The following NRARP variants were observed in gnomAD, a reference collection of about 807,000 sequenced individuals.
The protein encoded by NRARP is NOTCH regulated ankyrin repeat protein.
For missense variants in NRARP, 83 were observed against 161.1 expected, an observed-to-expected ratio of 0.52 and a Z score of 2.62; for synonymous variants, 81 against 77.4, an observed-to-expected ratio of 1.05 and a Z score of -0.25.
In NRARP at chr9:137,301,713, C is replaced by T. The variant is rs1237596513; in HGVS notation, c.216G>A (p.Lys72=). The T allele has an allele frequency of 8.7e-6, 14 of 1,611,420 alleles. No homozygotes were observed. Among genetic ancestry groups the T allele is most frequent in the Middle Eastern group, 1.6e-4 (1 of 6,082 alleles). The part of the protein sequence containing the change: ...GNLELVKLLV[K]FGADIRLANR... ...TGGCCAGGCGGATGTCGGCGCCGAA[C>T]TTGACCAGCAGCTTCACGAGCTCCA... Residue 72 remains lysine, a synonymous_variant, in exon 1 of 1, where the codon AAG becomes AAA. Transcript: ENST00000356628. The surrounding 1 kb of genome is among the most constrained non-coding windows in gnomAD (Gnocchi z 9.1).
In NRARP at chr9:137,299,934, C is replaced by T. The variant is rs1830931059; in HGVS notation, c.*1650G>A. Reference sequence around the variant, plus strand: ...TCACTGACATTATCAATATATTCTTCTCACACAAAGTTTTATAAAAAGCGA... The same window carrying T: ...TCACTGACATTATCAATATATTCTTTTCACACAAAGTTTTATAAAAAGCGA... On this transcript the variant is annotated 3_prime_UTR_variant, in exon 1 of 1. Transcript: ENST00000356628. 6.6e-6 allele frequency among the ~76,000 whole-genome samples: 1 copy of T among 152,176 alleles called. No individual in the cohort carries two copies. The highest frequency in any genetic ancestry group is 2.1e-4 in the South Asian group (1 of 4,836).
rs555899039 is a variant in NRARP, at chr9:137,301,372, T to C, written c.*212A>G. On this transcript the variant is annotated 3_prime_UTR_variant, in exon 1 of 1. Transcript: ENST00000356628. This position sits in a 1 kb window ranked among gnomAD's most constrained non-coding sequence, Gnocchi z 9.1. ...CGAGCGGGTGGGGGCCGTGGGAAGC[T>C]GCTCCGGCCCGGCCGGGCCCGGCTA... 4.5e-4 allele frequency: 101 copies of C among 224,980 alleles called. No individual in the cohort carries two copies. The East Asian group carries it at 9.0e-3, about 20-fold the overall frequency. 13.9% of individuals were successfully genotyped at this position (224,980 alleles called of 1,614,324 possible).
Position 137,301,972 on chromosome 9 carries a change from C to T in NRARP, c.-44G>A. ...CCGCGGGCCGGGCCGGGGCTCAGCG[C>T]GGGCGGCGGCTGCGGCGCGGGCCCC... is the stretch of plus-strand genomic sequence containing the variant. On this transcript the variant is annotated 5_prime_UTR_variant, in exon 1 of 1. Coordinates refer to ENST00000356628, the MANE Select transcript of NRARP (RefSeq NM_001004354.3). The surrounding 1 kb of genome is among the most constrained non-coding windows in gnomAD (Gnocchi z 9.1). 1 of 946,060 alleles carries T rather than the reference C, an allele frequency of 1.1e-6. No individual in the cohort carries two copies. Among genetic ancestry groups the T allele is most frequent in the Non-Finnish European group, 1.3e-6 (1 of 785,440 alleles). 58.6% of individuals were successfully genotyped at this position (946,060 alleles called of 1,614,324 possible). A position where few individuals can be genotyped will look rare whatever the true frequency, so the allele number is the denominator to read the frequency against.
In NRARP at chr9:137,301,958, G is replaced by C. The variant is rs1437534754; in HGVS notation, c.-30C>G. ...CCGCCGGGCGCGGGCCGCGGGCCGG[G>C]CCGGGGCTCAGCGCGGGCGGCGGCT... is the stretch of plus-strand genomic sequence containing the variant. On this transcript the variant is annotated 5_prime_UTR_variant, in exon 1 of 1. Transcript: ENST00000356628. This position sits in a 1 kb window ranked among gnomAD's most constrained non-coding sequence, Gnocchi z 9.1. The C allele has an allele frequency of 8.8e-6, 10 of 1,136,642 alleles. No individual in the cohort carries two copies. The highest frequency in any genetic ancestry group is 1.1e-5 in the Non-Finnish European group (10 of 918,984). 70.4% of individuals were successfully genotyped at this position (1,136,642 alleles called of 1,614,324 possible).
rs1480143690 is a variant in NRARP at position 137,300,587 on chromosome 9, A to G, written c.*997T>C. ...GCAACCGTTAACTATGATAGAACGC[A>G]CTAGAAAAGGTAACGAACCTTCACC... On this transcript the variant is annotated 3_prime_UTR_variant, in exon 1 of 1. Transcript: ENST00000356628. 6.6e-6 allele frequency: 1 copy of G among 152,364 alleles called. No individual in the cohort carries two copies. Among genetic ancestry groups the G allele is most frequent in the Non-Finnish European group, 1.5e-5 (1 of 68,042 alleles). The allele number at this position is 152,364 out of a possible 1,614,324, so 9.4% of individuals were successfully genotyped here. A position where few individuals can be genotyped will look rare whatever the true frequency, so the allele number is the denominator to read the frequency against.
In NRARP at chr9:137,299,840, A is replaced by G. The variant is rs985270766; in HGVS notation, c.*1744T>C. ...TTAACATAATTAAAAAGGTATTTGC[A>G]TCTAGAAAAAATATACAGAAGAACT... is the stretch of plus-strand genomic sequence containing the variant. On this transcript the variant is annotated 3_prime_UTR_variant, in exon 1 of 1. Transcript: ENST00000356628. Among the ~76,000 whole-genome samples, 1 of 152,206 alleles carries G rather than the reference A, an allele frequency of 6.6e-6. No homozygotes were observed. Among genetic ancestry groups the G allele is most frequent in the Non-Finnish European group, 1.5e-5 (1 of 68,040 alleles).
chr9:137,301,527 G>A lies in NRARP; in HGVS notation c.*57C>T. The A allele has an allele frequency of 8.2e-7, 1 of 1,214,614 alleles. No individual in the cohort carries two copies. Among genetic ancestry groups the A allele is most frequent in the Non-Finnish European group, 1.1e-6 (1 of 893,706 alleles). 75.2% of individuals were successfully genotyped at this position (1,214,614 alleles called of 1,614,324 possible). ...GGGCGCGCACCGAGGTAGTTGGCGG[G>A]AAGGTACAGCAGAGACGACGCGGGC... On this transcript the variant is annotated 3_prime_UTR_variant, in exon 1 of 1. Coordinates refer to ENST00000356628, the MANE Select transcript of NRARP (RefSeq NM_001004354.3). The surrounding 1 kb of genome is among the most constrained non-coding windows in gnomAD (Gnocchi z 9.1).
Position 137,301,544 on chromosome 9 carries a change from G to A in NRARP, c.*40C>T, listed in dbSNP as rs1830955273. ...GTTGGCGGGAAGGTACAGCAGAGACGACGCGGGCGCAGGGCCGGGGTCCGG... is the reference window on the plus strand; with the variant it reads ...GTTGGCGGGAAGGTACAGCAGAGACAACGCGGGCGCAGGGCCGGGGTCCGG... On this transcript the variant is annotated 3_prime_UTR_variant, in exon 1 of 1. Transcript: ENST00000356628. This position sits in a 1 kb window ranked among gnomAD's most constrained non-coding sequence, Gnocchi z 9.1. 1.4e-6 allele frequency: 2 copies of A among 1,420,146 alleles called. No homozygotes were observed. Among genetic ancestry groups the A allele is most frequent in the Middle Eastern group, 1.8e-4 (1 of 5,612 alleles). The allele number at this position is 1,420,146 out of a possible 1,614,324, so 88.0% of individuals were successfully genotyped here. A position where few individuals can be genotyped will look rare whatever the true frequency, so the allele number is the denominator to read the frequency against.
In NRARP at chr9:137,300,512, G is replaced by A. The variant is rs894682735; in HGVS notation, c.*1072C>T. The A allele has an allele frequency of 2.0e-5, 3 of 152,278 alleles. No homozygotes were observed. Among genetic ancestry groups the A allele is most frequent in the African/African-American group, 4.8e-5 (2 of 41,388 alleles). The allele number at this position is 152,278 out of a possible 1,614,324, so 9.4% of individuals were successfully genotyped here. On this transcript the variant is annotated 3_prime_UTR_variant, in exon 1 of 1. Transcript: ENST00000356628. Reference sequence around the variant, plus strand: ...TAATATTTTATATTCTGTCATAAATGTTATGACATTTAATTGTGGCAAATC... The same window carrying A: ...TAATATTTTATATTCTGTCATAAATATTATGACATTTAATTGTGGCAAATC...
Position 137,302,010 on chromosome 9 carries a change from G to T in NRARP, c.-82C>A. The T allele has an allele frequency of 2.0e-6, 1 of 508,672 alleles. No homozygotes were observed. Among genetic ancestry groups the T allele is most frequent in the South Asian group, 8.0e-5 (1 of 12,492 alleles). The allele number at this position is 508,672 out of a possible 1,614,324, so 31.5% of individuals were successfully genotyped here. On this transcript the variant is annotated 5_prime_UTR_variant, in exon 1 of 1. Coordinates refer to ENST00000356628, the MANE Select transcript of NRARP (RefSeq NM_001004354.3). The surrounding 1 kb of genome is among the most constrained non-coding windows in gnomAD (Gnocchi z 4.8). ...CGGCGCGGGCCCCCGGCTGTCTCGGGGCGCGCCTCGGCGCATGGAGGGCGC... is the reference window on the plus strand; with the variant it reads ...CGGCGCGGGCCCCCGGCTGTCTCGGTGCGCGCCTCGGCGCATGGAGGGCGC...
At position 137,302,240 on chromosome 9, in the gene NRARP, T is replaced by C. The variant is rs536111628; in HGVS notation, c.-312A>G. 1.3e-4 allele frequency: 19 copies of C among 145,880 alleles called. No individual in the cohort carries two copies. The highest frequency in any genetic ancestry group is 4.2e-4 in the African/African-American group (17 of 40,628). The allele number at this position is 145,880 out of a possible 1,614,324, so 9.0% of individuals were successfully genotyped here. Reference sequence around the variant, plus strand: ...CGGTTCGGCTGCGGCTCCCACGCGGTCCCAAGGCGCCTCCCCACGCGCCGC... The same window carrying C: ...CGGTTCGGCTGCGGCTCCCACGCGGCCCCAAGGCGCCTCCCCACGCGCCGC... On this transcript the variant is annotated 5_prime_UTR_variant, in exon 1 of 1. Transcript: ENST00000356628. The surrounding 1 kb of genome is among the most constrained non-coding windows in gnomAD (Gnocchi z 4.8).
At position 137,300,363 on chromosome 9, in the gene NRARP, A is replaced by G. The variant is rs917503959; in HGVS notation, c.*1221T>C. On this transcript the variant is annotated 3_prime_UTR_variant, in exon 1 of 1. Coordinates refer to ENST00000356628, the MANE Select transcript of NRARP (RefSeq NM_001004354.3). Reference sequence around the variant, plus strand: ...ACAAGAGATTCACAGTCTTATAGGTATTTTATAAAAATATAAATATGGGTA... The same window carrying G: ...ACAAGAGATTCACAGTCTTATAGGTGTTTTATAAAAATATAAATATGGGTA... 2 of 152,192 alleles carry G rather than the reference A, an allele frequency of 1.3e-5. No individual in the cohort carries two copies. The highest frequency in any genetic ancestry group is 2.9e-5 in the Non-Finnish European group (2 of 68,034). 9.4% of individuals were successfully genotyped at this position (152,192 alleles called of 1,614,324 possible).
Position 137,301,455 on chromosome 9 carries a change from C to T in NRARP, c.*129G>A. On this transcript the variant is annotated 3_prime_UTR_variant, in exon 1 of 1. Transcript: ENST00000356628. The surrounding 1 kb of genome is among the most constrained non-coding windows in gnomAD (Gnocchi z 9.1). ...CCGGACCCTGGGGCCGGGACGCACG[C>T]GCCGTATTCGCCGTGGCCACGGGCC... 1.8e-6 allele frequency: 1 copy of T among 567,022 alleles called. No homozygotes were observed. Among genetic ancestry groups the T allele is most frequent in the East Asian group, 3.6e-5 (1 of 28,026 alleles). 35.1% of individuals were successfully genotyped at this position (567,022 alleles called of 1,614,324 possible).
In NRARP at chr9:137,301,480, C is replaced by T. The variant is rs1830954222; in HGVS notation, c.*104G>A. ...CGCCGTATTCGCCGTGGCCACGGGC[C>T]TTCTGGCGGGGCCTGCGAGCCGGGC... On this transcript the variant is annotated 3_prime_UTR_variant, in exon 1 of 1. Transcript: ENST00000356628. This position sits in a 1 kb window ranked among gnomAD's most constrained non-coding sequence, Gnocchi z 9.1. 3 of 767,484 alleles carry T rather than the reference C, an allele frequency of 3.9e-6. No individual in the cohort carries two copies. The highest frequency in any genetic ancestry group is 3.9e-5 in the Admixed American group (1 of 25,340). The allele number at this position is 767,484 out of a possible 1,614,324, so 47.5% of individuals were successfully genotyped here. A position where few individuals can be genotyped will look rare whatever the true frequency, so the allele number is the denominator to read the frequency against.
At position 137,301,284 on chromosome 9, in the gene NRARP, G is replaced by A. The variant is rs1834214875; in HGVS notation, c.*300C>T. 6.5e-6 allele frequency: 1 copy of A among 153,850 alleles called. No homozygotes were observed. The highest frequency in any genetic ancestry group is 6.5e-5 in the Admixed American group (1 of 15,338). 9.5% of individuals were successfully genotyped at this position (153,850 alleles called of 1,614,324 possible). A position where few individuals can be genotyped will look rare whatever the true frequency, so the allele number is the denominator to read the frequency against. On this transcript the variant is annotated 3_prime_UTR_variant, in exon 1 of 1. Coordinates refer to ENST00000356628, the MANE Select transcript of NRARP (RefSeq NM_001004354.3). The surrounding 1 kb of genome is among the most constrained non-coding windows in gnomAD (Gnocchi z 9.1). ...GGGATTCCGAACTTGCTGGTTGCGA[G>A]ACTCAAATTTCAAAAGGGGCTGGAG...
In NRARP at chr9:137,301,378, G is replaced by C. The variant is rs981432492; in HGVS notation, c.*206C>G. 1.7e-5 allele frequency: 4 copies of C among 239,586 alleles called. No individual in the cohort carries two copies. The highest frequency in any genetic ancestry group is 5.6e-5 in the Admixed American group (1 of 17,732). 14.8% of individuals were successfully genotyped at this position (239,586 alleles called of 1,614,324 possible). A position where few individuals can be genotyped will look rare whatever the true frequency, so the allele number is the denominator to read the frequency against. On this transcript the variant is annotated 3_prime_UTR_variant, in exon 1 of 1. Coordinates refer to ENST00000356628, the MANE Select transcript of NRARP (RefSeq NM_001004354.3). This position sits in a 1 kb window ranked among gnomAD's most constrained non-coding sequence, Gnocchi z 9.1. The stretch of plus-strand genomic sequence containing the variant: ...GGTGGGGGCCGTGGGAAGCTGCTCC[G>C]GCCCGGCCGGGCCCGGCTAGGCCGC...
In NRARP at chr9:137,301,510, A is replaced by C; in HGVS notation, c.*74T>G. 9.7e-7 allele frequency: 1 copy of C among 1,033,950 alleles called. No homozygotes were observed. The highest frequency in any genetic ancestry group is 1.8e-5 in the South Asian group (1 of 57,018). The allele number at this position is 1,033,950 out of a possible 1,614,324, so 64.0% of individuals were successfully genotyped here. A position where few individuals can be genotyped will look rare whatever the true frequency, so the allele number is the denominator to read the frequency against. On this transcript the variant is annotated 3_prime_UTR_variant, in exon 1 of 1. Transcript: ENST00000356628. This position sits in a 1 kb window ranked among gnomAD's most constrained non-coding sequence, Gnocchi z 9.1. ...GGCGGGGCCTGCGAGCCGGGCGCGC[A>C]CCGAGGTAGTTGGCGGGAAGGTACA...
Position 137,302,204 on chromosome 9 carries a change from C to T in NRARP, c.-276G>A, listed in dbSNP as rs1443209357. 2.1e-5 allele frequency: 3 copies of T among 146,134 alleles called. No individual in the cohort carries two copies. The highest frequency in any genetic ancestry group is 3.9e-4 in the East Asian group (2 of 5,086). 9.1% of individuals were successfully genotyped at this position (146,134 alleles called of 1,614,324 possible). A position where few individuals can be genotyped will look rare whatever the true frequency, so the allele number is the denominator to read the frequency against. ...CGGGGACGGCGGCGCCGCGCGGTCC[C>T]GGTCCCTACTCGGTTCGGCTGCGGC... is the stretch of plus-strand genomic sequence containing the variant. On this transcript the variant is annotated 5_prime_UTR_variant, in exon 1 of 1. Transcript: ENST00000356628. The surrounding 1 kb of genome is among the most constrained non-coding windows in gnomAD (Gnocchi z 4.8).
chr9:137,301,987 G>C lies in NRARP; in HGVS notation c.-59C>G. On this transcript the variant is annotated 5_prime_UTR_variant, in exon 1 of 1. Coordinates refer to ENST00000356628, the MANE Select transcript of NRARP (RefSeq NM_001004354.3). This position sits in a 1 kb window ranked among gnomAD's most constrained non-coding sequence, Gnocchi z 9.1. ...GGGCTCAGCGCGGGCGGCGGCTGCG[G>C]CGCGGGCCCCCGGCTGTCTCGGGGC... 4 of 791,226 alleles carry C rather than the reference G, an allele frequency of 5.1e-6. No individual in the cohort carries two copies. The highest frequency in any genetic ancestry group is 6.1e-6 in the Non-Finnish European group (4 of 654,242). The allele number at this position is 791,226 out of a possible 1,614,324, so 49.0% of individuals were successfully genotyped here. A position where few individuals can be genotyped will look rare whatever the true frequency, so the allele number is the denominator to read the frequency against.
Sources: gnomAD v4.1 joint callset for allele counts (sites outside exome capture counted in the v4.1 genomes callset) on GRCh38, gnomAD v4.1.1 for gene constraint, Gnocchi (gnomAD v3.1) non-coding constraint, MANE v1.5 for transcripts, NCBI Gene and HGNC (gene_info 2026-07-23, HGNC 2026-07-21) for gene names.